PTPRT: variants seen among roughly 807,000 people sequenced by gnomAD.
The protein encoded by PTPRT is receptor-type tyrosine-protein phosphatase T.
PTPRT carries 56 observed loss-of-function variants against 176.8 expected under a neutral mutation model. The ratio of observed to expected loss-of-function variants is 0.32; its 90% confidence interval spans 0.26 to 0.40. The LOEUF (loss-of-function observed/expected upper bound fraction) is 0.40. PTPRT is among the 10% of genes least tolerant of loss of function. The pLI is 1.00. For missense variants in PTPRT, 1,540 were observed against 1,908.2 expected (o/e 0.81, Z 3.60); for synonymous variants, 783 against 739.0 (o/e 1.06, Z -0.96).
intron 7 of PTPRT, among the ~76,000 whole-genome samples, chr20:42,590,403 T>C (rs1013810115): frequency 5.9e-5 from 9 of 152,146 alleles, no homozygotes; most frequent in Non-Finnish European, 1.3e-4. Context: ...CATGCAGCAA[T>C]AGATAACTGG....
intron 9 of PTPRT, among the ~76,000 whole-genome samples, chr20:42,395,826 T>G (rs1404629309): frequency 1.3e-5 from 2 of 152,140 alleles, no homozygotes; most frequent in Non-Finnish European, 2.9e-5. Flanking sequence ...ATTTTTCTTC[T>G]TACTTCATTG....
At chr20:42,693,036 T>C (rs2075816302) in intron 6 of PTPRT, among the ~76,000 whole-genome samples, 1 of 152,208 alleles carries the variant, frequency 6.6e-6, no homozygotes, top group Admixed American at 6.5e-5. Context: ...TAACGCACTT[T>C]ATGTCCTTTA....
At chr20:42,350,849 G>C (rs1160398480) in intron 10 of PTPRT, 119 bp from the exon 11 acceptor site, 2 of 753,598 alleles carry the variant, frequency 2.7e-6, no homozygotes, top group Admixed American at 4.3e-5. Flanking sequence ...TTTAGGAAAG[G>C]GGTTGGATAA....
At chr20:42,951,875 T>A (rs1350946235) in intron 1 of PTPRT, among the ~76,000 whole-genome samples, 1 of 152,158 alleles carries the variant, frequency 6.6e-6, no homozygotes, top group Non-Finnish European at 1.5e-5. Context: ...TAATTGTACC[T>A]ATCTCCCAGA....
chr20:42,946,412 T>C (rs1214888171), intron 1 of PTPRT, among the ~76,000 whole-genome samples: 1 of 152,140 alleles, frequency 6.6e-6, no homozygotes, highest in Non-Finnish European at 1.5e-5. Flanking sequence ...CTGGGCACTT[T>C]TGCTAAAGAA....
intron 2 of PTPRT, among the ~76,000 whole-genome samples, chr20:42,867,647 A>G (rs2078770588): frequency 6.6e-6 from 1 of 151,056 alleles, no homozygotes. Flanking sequence ...CAGCATCCAG[A>G]ACTATGAGAC....
chr20:42,788,882 A>T (rs1044456428), intron 3 of PTPRT, among the ~76,000 whole-genome samples: 2 of 152,184 alleles, frequency 1.3e-5, no homozygotes, highest in African/African-American at 4.8e-5. Context: ...ACTAGGGGAA[A>T]TTGTGGAGCC....
At chr20:42,982,722 G>C (rs1037918767) in intron 1 of PTPRT, among the ~76,000 whole-genome samples, 3 of 152,106 alleles carry the variant, frequency 2.0e-5, no homozygotes, top group Non-Finnish European at 4.4e-5. Flanking sequence ...TTGCCTCCCA[G>C]GTCCTTGATG....
At chr20:42,151,127 T>C (rs1284677894) in intron 17 of PTPRT, among the ~76,000 whole-genome samples, 2 of 67,850 alleles carry the variant, frequency 2.9e-5, no homozygotes, top group Admixed American at 1.2e-4. Flanking sequence ...ACATCAAGGA[T>C]TTTTTTTTTT....
intron 13 of PTPRT, among the ~76,000 whole-genome samples, chr20:42,257,398 C>T (rs1467174186): frequency 2.6e-5 from 4 of 152,096 alleles, no homozygotes; most frequent in Non-Finnish European, 4.4e-5. Context: ...TCCAGGCTGC[C>T]GTTTTAAACC....
chr20:42,616,840 T>C (rs2074089741), intron 7 of PTPRT, among the ~76,000 whole-genome samples: 1 of 137,026 alleles, frequency 7.3e-6, no homozygotes, highest in South Asian at 2.3e-4. Flanking sequence ...GATTTTGGGC[T>C]GAGACAATGG....
the PTPRT span, among the ~76,000 whole-genome samples, chr20:42,051,146 G>T: frequency 6.6e-6 from 1 of 152,180 alleles, no homozygotes; most frequent in African/African-American, 2.4e-5. Context: ...CCACGGTTTG[G>T]GTCTTTGCTT....
chr20:42,192,270 A>G (rs1385778020), intron 16 of PTPRT, among the ~76,000 whole-genome samples: 1 of 152,158 alleles, frequency 6.6e-6, no homozygotes, highest in East Asian at 1.9e-4. Flanking sequence ...TTTTCCTGAA[A>G]GGGTTAAGGA....
chr20:42,112,045 G>A (rs1462474884), intron 22 of PTPRT, among the ~76,000 whole-genome samples: 1 of 152,178 alleles, frequency 6.6e-6, no homozygotes, highest in East Asian at 1.9e-4. Flanking sequence ...GATCCCAGAA[G>A]GCCTTGAATC....
chr20:42,161,514 C>A lies in PTPRT; in HGVS notation c.2520G>T (p.Gln840His). Residue 840 changes from glutamine (Q) to histidine (H), a missense_variant, in exon 17 of 31, where the codon CAG (glutamine) becomes CAT (histidine). Gln to His is a conservative substitution (Grantham distance 24). Transcript: ENST00000373187. ...FTDGSRGELS[Q>H]PTLTIQTHPY... is the part of the protein sequence containing the mutation. ...GATGAGTCTGGATCGTGAGGGTGGG[C>A]TGGGAAAGCTCCCCGCGGCTGCCAT... 6.2e-7 allele frequency: 1 copy of A among 1,611,952 alleles called. No homozygotes were observed. Among genetic ancestry groups the A allele is most frequent in the South Asian group, 1.1e-5 (1 of 90,770 alleles).
intron 17 of PTPRT, among the ~76,000 whole-genome samples, chr20:42,146,997 C>G (rs1368978312): frequency 1.3e-5 from 2 of 152,170 alleles, no homozygotes; most frequent in Non-Finnish European, 2.9e-5. Flanking sequence ...GTGGAATCTT[C>G]TCTGTTCACT....
chr20:42,117,712 G>A (rs1287940251), intron 21 of PTPRT, among the ~76,000 whole-genome samples: 4 of 152,176 alleles, frequency 2.6e-5, no homozygotes, highest in Admixed American at 2.0e-4. Context: ...GCTACGCTGC[G>A]GTGGGTAGAA....
intron 1 of PTPRT, among the ~76,000 whole-genome samples, chr20:43,148,876 A>G (rs1432520895): frequency 1.3e-5 from 2 of 152,190 alleles, no homozygotes; most frequent in South Asian, 4.1e-4. Flanking sequence ...CACCTCCAAG[A>G]TTGCAAAACA....
chr20:42,793,088 G>A (rs2077400624), intron 2 of PTPRT, among the ~76,000 whole-genome samples: 1 of 152,174 alleles, frequency 6.6e-6, no homozygotes, highest in South Asian at 2.1e-4. Context: ...GACCACTTAG[G>A]ATAGTTGGGT....
Sources: allele counts gnomAD v4.1 joint callset (sites outside exome capture counted in the v4.1 genomes callset), GRCh38; gene constraint gnomAD v4.1.1; transcripts MANE v1.5; gene names NCBI Gene and HGNC (gene_info 2026-07-23, HGNC 2026-07-21).